The following TARBP1 variants were observed in gnomAD, a reference collection of about 807,000 sequenced individuals.
The protein encoded by TARBP1 is tRNA (guanosine(18)-2'-O)-methyltransferase TARBP1.
A neutral mutation model predicts 178.6 loss-of-function variants in TARBP1; 144 were observed. That is an observed-to-expected ratio of 0.81 (90% CI 0.70 to 0.93). The LOEUF is 0.93. Among genes scored for constraint, TARBP1 ranks in the 40% least tolerant of loss-of-function variants. The pLI is 0.00. For synonymous variants in TARBP1, 787 were observed against 781.0 expected (o/e 1.01, Z -0.13); for missense variants, 2,067 against 2,011.7 (o/e 1.03, Z -0.53).
chr1:234,391,735 C>A lies in TARBP1; in HGVS notation c.4708G>T (p.Glu1570Ter), dbSNP rs1263053392. 1 of 1,612,920 alleles carries A rather than the reference C, an allele frequency of 6.2e-7. No homozygotes were observed. Among genetic ancestry groups the A allele is most frequent in the Non-Finnish European group, 8.5e-7 (1 of 1,179,722 alleles). The change falls in exon 30 of 30, where the codon GAG (glutamate) becomes TAG (stop). Residue 1570 changes from glutamate to a stop codon, truncating the protein, a stop_gained. Coordinates refer to ENST00000040877, the MANE Select transcript of TARBP1 (RefSeq NM_005646.4). LOFTEE classifies it low-confidence loss of function (END_TRUNC). ...TGGATCAGATTTGCTGGAATTCCCT[C>A]ACGTTCATTTCTGAGGAAGAAAATG... is the stretch of plus-strand genomic sequence containing the variant. The part of the protein sequence containing the change: ...KSLLLLGNER[E>*]GIPANLIQQL...
chr1:234,435,381 G>A (rs1664903350), intron 13 of TARBP1, among the ~76,000 whole-genome samples: 1 of 151,736 alleles, frequency 6.6e-6, no homozygotes, highest in Admixed American at 6.6e-5. Context: ...GCTACTCGAG[G>A]CTGAGGCAGA....
chr1:234,440,244 C>T (rs538504556), intron 12 of TARBP1, among the ~76,000 whole-genome samples: 3 of 151,604 alleles, frequency 2.0e-5, no homozygotes, highest in African/African-American at 7.3e-5. Context: ...TTTCAGAAAA[C>T]AAGAAACGTC....
chr1:234,425,649 TAA>T (rs747558463), intron 20 of TARBP1, 22 bp downstream of exon 20: 12 of 1,488,974 alleles, frequency 8.1e-6, no homozygotes, highest in South Asian at 1.3e-5. Context: ...AAAACAAAGA[TAA>T]TTTAAAGTAA....
At chr1:234,471,281 A>C (rs749833969) in intron 2 of TARBP1, 24 bp from the exon 3 acceptor site, 5 of 1,475,480 alleles carry the variant, frequency 3.4e-6, no homozygotes, top group Non-Finnish European at 4.6e-6. Context: ...CAAAAAAATC[A>C]TATGAAATGA....
At position 234,440,886 on chromosome 1, in the gene TARBP1, A is replaced by T. The variant is rs193043511; in HGVS notation, c.2135-3514T>A. On this transcript the variant is annotated intron_variant, in intron 12 of 29. Coordinates refer to ENST00000040877, the MANE Select transcript of TARBP1 (RefSeq NM_005646.4). Reference sequence around the variant, plus strand: ...GATGAAAAAAATCACAGACAACCTAAGTAAATGCAGAGACAGGCCAGGCGT... The same window carrying T: ...GATGAAAAAAATCACAGACAACCTATGTAAATGCAGAGACAGGCCAGGCGT... 2.6e-5 allele frequency among the ~76,000 whole-genome samples: 4 copies of T among 152,314 alleles called. No homozygotes were observed. The East Asian group carries it at 7.7e-4, about 29-fold the overall frequency.
In TARBP1 at chr1:234,393,636, C is replaced by A. The variant is rs185782714; in HGVS notation, c.4435+10G>T. ...TTTCAGGCAAAGCTCCCAGAAAACT[C>A]CAACTTTACCTCCTAAATTGGTCGG... On this transcript the variant is annotated intron_variant, in intron 27 of 29. Coordinates refer to ENST00000040877, the MANE Select transcript of TARBP1 (RefSeq NM_005646.4). The A allele has an allele frequency of 5.4e-5, 86 of 1,593,918 alleles. No homozygotes were observed. In the East Asian group the frequency reaches 1.2e-3, roughly 22 times the overall value.
Position 234,401,355 on chromosome 1 carries a change from G to A in TARBP1, c.3990-93C>T, listed in dbSNP as rs77746195. The A allele has an allele frequency of 9.8e-6, 9 of 923,044 alleles. No homozygotes were observed. In the Admixed American group the frequency reaches 1.1e-4, roughly 12 times the overall value. The allele number at this position is 923,044 out of a possible 1,614,324, so 57.2% of individuals were successfully genotyped here. ...CAGTATCTTAAAGGGTGGCTGCAGA[G>A]TTGAGAAGGAACAGAAAATTTTATG... On this transcript the variant is annotated intron_variant, in intron 24 of 29. Coordinates refer to ENST00000040877, the MANE Select transcript of TARBP1 (RefSeq NM_005646.4).
chr1:234,421,523 C>CCT (rs397826565), intron 20 of TARBP1, among the ~76,000 whole-genome samples: 73 of 152,232 alleles, frequency 4.8e-4, no homozygotes, highest in Non-Finnish European at 6.3e-4. Context: ...CTTGTGCCCC[C>CCT]GTGTCATATT....
chr1:234,435,662 A>T (rs1192485090), intron 13 of TARBP1, among the ~76,000 whole-genome samples: 1 of 152,212 alleles, frequency 6.6e-6, no homozygotes, highest in Non-Finnish European at 1.5e-5. Context: ...AAGGGAAGAC[A>T]GGGAGGATGA....
chr1:234,437,996 T>A (rs1165199597), intron 12 of TARBP1, among the ~76,000 whole-genome samples: 1 of 151,710 alleles, frequency 6.6e-6, no homozygotes, highest in African/African-American at 2.4e-5. Context: ...ATGAACAGAG[T>A]TGCCCACTGG....
Position 234,415,884 on chromosome 1 carries a change from C to T in TARBP1, c.3705+2200G>A, listed in dbSNP as rs567256815. Among the ~76,000 whole-genome samples the T allele has an allele frequency of 1.1e-4, 17 of 152,344 alleles. No individual in the cohort carries two copies. In the East Asian group the frequency reaches 3.3e-3, roughly 29 times the overall value. On this transcript the variant is annotated intron_variant, in intron 22 of 29. Coordinates refer to ENST00000040877, the MANE Select transcript of TARBP1 (RefSeq NM_005646.4). The stretch of plus-strand genomic sequence containing the variant: ...CTGATTCTGTAGCTTTCCCGGTGTT[C>T]TGTAAGCTACCTACTACTCCCCTCT...
chr1:234,441,588 G>A (rs1204564113), intron 12 of TARBP1, among the ~76,000 whole-genome samples: 2 of 152,110 alleles, frequency 1.3e-5, no homozygotes, highest in Non-Finnish European at 2.9e-5. Context: ...CCCCATTAAA[G>A]GTATCTAATT....
At chr1:234,413,423 G>A (rs572377986) in intron 22 of TARBP1, among the ~76,000 whole-genome samples, 8 of 152,320 alleles carry the variant, frequency 5.3e-5, no homozygotes, top group Middle Eastern at 3.4e-3. Flanking sequence ...GCAGTGAGCC[G>A]AGATTGTGCC....
At chr1:234,460,509 C>G (rs1667743726) in intron 6 of TARBP1, 113 bp from the exon 7 acceptor site, 1 of 1,076,616 alleles carries the variant, frequency 9.3e-7, no homozygotes, top group Admixed American at 2.3e-5. Context: ...GCTCCACTTC[C>G]CACACACTAT....
At chr1:234,462,004 A>G (rs911755435) in intron 6 of TARBP1, among the ~76,000 whole-genome samples, 7 of 152,258 alleles carry the variant, frequency 4.6e-5, no homozygotes, top group African/African-American at 1.7e-4. Flanking sequence ...GAAGATATTC[A>G]CTGGAAACTG....
chr1:234,477,364 CTCA>C (rs1378090948), intron 1 of TARBP1, among the ~76,000 whole-genome samples: 1 of 152,174 alleles, frequency 6.6e-6, no homozygotes, highest in East Asian at 1.9e-4. Context: ...AAAATATAAC[CTCA>C]TAACTTCAGC....
chr1:234,393,925 T>C, intron 26 of TARBP1, 88 bp from the exon 27 acceptor site: 1 of 1,011,774 alleles, frequency 9.9e-7, no homozygotes, highest in Non-Finnish European at 1.4e-6. Context: ...TTTTTAAGAA[T>C]GTGAAATAAT....
At chr1:234,413,225 T>C (rs553542690) in intron 22 of TARBP1, among the ~76,000 whole-genome samples, 2 of 151,600 alleles carry the variant, frequency 1.3e-5, no homozygotes, top group Admixed American at 6.6e-5. Context: ...AACACACACA[T>C]CACGAAAAAA....
At chr1:234,442,121 A>G (rs991297676) in intron 12 of TARBP1, among the ~76,000 whole-genome samples, 3 of 152,220 alleles carry the variant, frequency 2.0e-5, no homozygotes, top group African/African-American at 7.2e-5. Context: ...TAAAAATATC[A>G]TAAGTCTAAA....
Sources: allele counts gnomAD v4.1 joint callset (sites outside exome capture counted in the v4.1 genomes callset), GRCh38; gene constraint gnomAD v4.1.1; transcripts MANE v1.5; gene names NCBI Gene and HGNC (gene_info 2026-07-23, HGNC 2026-07-21).